The following PDZRN4 variants were observed in gnomAD, a reference collection of about 807,000 sequenced individuals.
PDZRN4 encodes PDZ domain containing ring finger 4, also known as PDZ domain-containing RING finger protein 4.
PDZRN4 carries 70 observed loss-of-function variants against 99.0 expected under a neutral mutation model. The ratio of observed to expected loss-of-function variants is 0.71; its 90% confidence interval spans 0.58 to 0.86. The LOEUF is 0.86. PDZRN4 is among the 40% of genes least tolerant of loss of function. The pLI, the probability that PDZRN4 is intolerant of heterozygous loss-of-function variation, is 0.00. For missense variants in PDZRN4, 1,474 were observed against 1,331.2 expected, an observed-to-expected ratio of 1.11 and a Z score of -1.67; for synonymous variants, 551 against 501.6, an observed-to-expected ratio of 1.10 and a Z score of -1.32.
intron 7 of PDZRN4, among the ~76,000 whole-genome samples, chr12:41,560,442 C>A (rs1010106541): frequency 3.9e-5 from 6 of 152,186 alleles, no homozygotes; most frequent in Non-Finnish European, 8.8e-5. Flanking sequence ...ATAAGTACCA[C>A]AGATCTCTTC....
At chr12:41,383,876 A>G (rs1326431555) in intron 3 of PDZRN4, among the ~76,000 whole-genome samples, 1 of 152,018 alleles carries the variant, frequency 6.6e-6, no homozygotes, top group African/African-American at 2.4e-5. Flanking sequence ...CTTGTCTTCA[A>G]ACTACCTCCT....
intron 3 of PDZRN4, among the ~76,000 whole-genome samples, chr12:41,240,856 C>G (rs148467334): frequency 2.6e-5 from 4 of 152,220 alleles, no homozygotes; most frequent in African/African-American, 9.6e-5. Flanking sequence ...AGACCCACCT[C>G]CTAATACTAT....
At chr12:41,203,774 C>T (rs1950831769) in intron 3 of PDZRN4, among the ~76,000 whole-genome samples, 1 of 151,964 alleles carries the variant, frequency 6.6e-6, no homozygotes, top group Non-Finnish European at 1.5e-5. Context: ...GGTAGATAAT[C>T]TATGAAAAGT....
intron 3 of PDZRN4, among the ~76,000 whole-genome samples, chr12:41,394,817 A>AGAGAGAGAGAAAGAGAGG (rs1952235421): frequency 6.6e-6 from 1 of 151,966 alleles, no homozygotes; most frequent in South Asian, 2.1e-4. Flanking sequence ...GAGAAATGAG[A>AGAGAGAGAGAAAGAGAGG]GAGAGAGAGA....
chr12:41,301,668 A>G (rs981905032), intron 3 of PDZRN4, among the ~76,000 whole-genome samples: 1 of 152,236 alleles, frequency 6.6e-6, no homozygotes, highest in East Asian at 1.9e-4. Flanking sequence ...TTTATAAGCA[A>G]TGCTTTCCAA....
At position 41,338,987 on chromosome 12, in the gene PDZRN4, C is replaced by T. The variant is rs183451376; in HGVS notation, c.843+144799C>T. Among the ~76,000 whole-genome samples the T allele has an allele frequency of 1.4e-4, 21 of 151,912 alleles. No homozygotes were observed. The South Asian group carries it at 2.1e-3, about 15-fold the overall frequency. On this transcript the variant is annotated intron_variant, in intron 3 of 9. Coordinates refer to ENST00000402685, the MANE Select transcript of PDZRN4 (RefSeq NM_001164595.2). ...ATTGGAAAACTCAATATTGGTAAAACGTCAATACTACCAAAATCATTCTAC... is the reference window on the plus strand; with the variant it reads ...ATTGGAAAACTCAATATTGGTAAAATGTCAATACTACCAAAATCATTCTAC...
intron 3 of PDZRN4, among the ~76,000 whole-genome samples, chr12:41,388,663 T>C (rs1322761862): frequency 6.6e-6 from 1 of 152,082 alleles, no homozygotes; most frequent in Non-Finnish European, 1.5e-5. Context: ...ATGGAGATGG[T>C]GAGAAATGTT....
chr12:41,457,410 C>A (rs1175796984), intron 3 of PDZRN4, among the ~76,000 whole-genome samples: 3 of 152,184 alleles, frequency 2.0e-5, no homozygotes, highest in African/African-American at 7.2e-5. Context: ...AAATTTTTCA[C>A]AGAGGAAAAG....
At chr12:41,357,280 C>A (rs1454158658) in intron 3 of PDZRN4, among the ~76,000 whole-genome samples, 1 of 151,774 alleles carries the variant, frequency 6.6e-6, no homozygotes, top group African/African-American at 2.4e-5. Context: ...TATTCTGTGC[C>A]CTATGCTACT....
rs1951784231 is a variant in PDZRN4 at position 41,337,485 on chromosome 12, A to G, written c.843+143297A>G. On this transcript the variant is annotated intron_variant, in intron 3 of 9. Transcript: ENST00000402685. ...AGATGCGAAGAGGATGGGACCTCCAACCTTGCCCTGAACATTGCTCTCAAC... is the reference window on the plus strand; with the variant it reads ...AGATGCGAAGAGGATGGGACCTCCAGCCTTGCCCTGAACATTGCTCTCAAC... 2.6e-5 allele frequency among the ~76,000 whole-genome samples: 4 copies of G among 152,068 alleles called. No individual in the cohort carries two copies. In the South Asian group the frequency reaches 8.3e-4, roughly 32 times the overall value.
In PDZRN4 at chr12:41,482,252, C is replaced by G. The variant is rs184260744; in HGVS notation, c.844-24204C>G. Among the ~76,000 whole-genome samples the G allele has an allele frequency of 7.2e-5, 11 of 152,274 alleles. No homozygotes were observed. The East Asian group carries it at 2.1e-3, about 29-fold the overall frequency. ...AAGGTGTTTTCCTTGTCATCTCTCT[C>G]TGATATCAAAATGAAAAATCCTAGA... On this transcript the variant is annotated intron_variant, in intron 3 of 9. Coordinates refer to ENST00000402685, the MANE Select transcript of PDZRN4 (RefSeq NM_001164595.2).
At chr12:41,563,074 A>G (rs1436142456) in intron 7 of PDZRN4, among the ~76,000 whole-genome samples, 1 of 152,236 alleles carries the variant, frequency 6.6e-6, no homozygotes, top group Non-Finnish European at 1.5e-5. Flanking sequence ...TTAAATAAAA[A>G]TGCAATCAGC....
At chr12:41,571,366 TCTCTCTCTCTCACACACA>T (rs1404506276) in intron 9 of PDZRN4, among the ~76,000 whole-genome samples, 33 of 106,458 alleles carry the variant, frequency 3.1e-4, no homozygotes, top group African/African-American at 1.1e-3. Context: ...TCTCTCTCTC[TCTCTCTCTCTCACACACA>T]CACACACACA....
Position 41,314,624 on chromosome 12 carries a change from T to C in PDZRN4, c.843+120436T>C, listed in dbSNP as rs532014360. Among the ~76,000 whole-genome samples, 40 of 152,238 alleles carry C rather than the reference T, an allele frequency of 2.6e-4. 1 individual carries two copies. In the South Asian group the frequency reaches 8.1e-3, roughly 31 times the overall value. On this transcript the variant is annotated intron_variant, in intron 3 of 9. Transcript: ENST00000402685. ...GGGCAATTTCATGCATGAATAAAAA[T>C]GTAGACATCAAAAAGAATGTGGAAC...
intron 3 of PDZRN4, among the ~76,000 whole-genome samples, chr12:41,238,261 G>T (rs980829067): frequency 2.0e-5 from 3 of 151,936 alleles, no homozygotes; most frequent in Non-Finnish European, 4.4e-5. Flanking sequence ...TCATGATTTG[G>T]CTCTCTCTGC....
At chr12:41,293,532 C>T (rs982533413) in intron 3 of PDZRN4, among the ~76,000 whole-genome samples, 4 of 151,964 alleles carry the variant, frequency 2.6e-5, no homozygotes, top group African/African-American at 9.7e-5. Context: ...AAAGTGCCAG[C>T]AGTTTGGCAG....
chr12:41,545,341 T>C (rs1938926704), intron 5 of PDZRN4, among the ~76,000 whole-genome samples: 1 of 152,148 alleles, frequency 6.6e-6, no homozygotes, highest in Non-Finnish European at 1.5e-5. Flanking sequence ...TCTGTGCCTT[T>C]GCATGGTCAA....
chr12:41,392,195 A>G (rs1375702575), intron 3 of PDZRN4, among the ~76,000 whole-genome samples: 1 of 152,134 alleles, frequency 6.6e-6, no homozygotes, highest in East Asian at 1.9e-4. Context: ...CCTGCTATTC[A>G]AGATTCCCCA....
chr12:41,526,818 T>C (rs1421606646), intron 5 of PDZRN4, among the ~76,000 whole-genome samples: 1 of 152,224 alleles, frequency 6.6e-6, no homozygotes, highest in Non-Finnish European at 1.5e-5. Flanking sequence ...TAAATTTTTT[T>C]GATATTTTAC....
Sources: gnomAD v4.1 joint callset for allele counts (sites outside exome capture counted in the v4.1 genomes callset) on GRCh38, gnomAD v4.1.1 for gene constraint, MANE v1.5 for transcripts, NCBI Gene and HGNC (gene_info 2026-07-23, HGNC 2026-07-21) for gene names.